The following PTH2R variants were observed in gnomAD, a reference collection of about 807,000 sequenced individuals.
The protein encoded by PTH2R is parathyroid hormone 2 receptor, also known as PTH2 receptor.
Under a neutral mutation model 60.3 loss-of-function variants are expected in PTH2R, and 59 were observed. The observed-to-expected ratio is 0.98, with a 90% CI of 0.79 to 1.22. The LOEUF (loss-of-function observed/expected upper bound fraction) is 1.22, where lower values mean the gene tolerates loss of function less well. Ranked by LOEUF, PTH2R falls within the 50% of genes most tolerant of loss-of-function variation. The pLI is 0.00. For missense variants in PTH2R, 749 were observed against 682.6 expected (o/e 1.10, Z -1.08); for synonymous variants, 256 against 243.8 (o/e 1.05, Z -0.47).
chr2:208,365,960 A>ATAT (rs1700583520), intron 1 of PTH2R, among the ~76,000 whole-genome samples: 2 of 16,112 alleles, frequency 1.2e-4, no homozygotes, highest in African/African-American at 2.4e-4. Context: ...ATATATATAT[A>ATAT]TTTTTTTTTT....
intron 8 of PTH2R, among the ~76,000 whole-genome samples, chr2:208,452,220 G>T (rs1043765339): frequency 3.9e-5 from 6 of 152,126 alleles, no homozygotes; most frequent in African/African-American, 1.2e-4. Flanking sequence ...CTGAGCCTCA[G>T]TTTTCTCAGC....
chr2:208,433,688 C>T lies in PTH2R; in HGVS notation c.179-3849C>T, dbSNP rs112555120. On this transcript the variant is annotated intron_variant, in intron 2 of 12. Transcript: ENST00000272847. Reference sequence around the variant, plus strand: ...AAAAGGATATATAAATGCAAATATTCAGCTCTAAAACTATTCAAGTACTTA... The same window carrying T: ...AAAAGGATATATAAATGCAAATATTTAGCTCTAAAACTATTCAAGTACTTA... Among the ~76,000 whole-genome samples the T allele has an allele frequency of 9.0e-3, 1,369 of 152,260 alleles. 22 individuals carry two copies. Among genetic ancestry groups the T allele is most frequent in the African/African-American group, 0.03 (1,261 of 41,554 alleles).
intron 1 of PTH2R, among the ~76,000 whole-genome samples, chr2:208,375,176 G>C (rs1336744212): frequency 1.3e-5 from 2 of 152,022 alleles, no homozygotes; most frequent in Non-Finnish European, 2.9e-5. Context: ...TTGTTTTCTA[G>C]TATCTATTTT....
intron 7 of PTH2R, among the ~76,000 whole-genome samples, chr2:208,446,910 C>T (rs930897340): frequency 3.9e-5 from 6 of 152,082 alleles, no homozygotes; most frequent in African/African-American, 9.7e-5. Context: ...TAACTGAGAG[C>T]GAGTCCAATT....
At chr2:208,414,281 C>G (rs781163693) in intron 1 of PTH2R, among the ~76,000 whole-genome samples, 35 of 152,244 alleles carry the variant, frequency 2.3e-4, no homozygotes, top group Non-Finnish European at 5.0e-4. Flanking sequence ...TGCTCCTGCT[C>G]TGTCAAAAGC....
chr2:208,389,128 C>A (rs1468309637), intron 1 of PTH2R, among the ~76,000 whole-genome samples: 1 of 151,908 alleles, frequency 6.6e-6, no homozygotes, highest in Non-Finnish European at 1.5e-5. Flanking sequence ...AGTCAAGCTA[C>A]AGGAAAAAAC....
intron 1 of PTH2R, among the ~76,000 whole-genome samples, chr2:208,427,540 A>G (rs535479317): frequency 1.3e-5 from 2 of 152,350 alleles, no homozygotes; most frequent in Admixed American, 1.3e-4. Flanking sequence ...CTATGAATAT[A>G]ATCCAGAAAT....
intron 1 of PTH2R, among the ~76,000 whole-genome samples, chr2:208,422,742 G>C (rs1030754630): frequency 6.6e-6 from 1 of 152,020 alleles, no homozygotes; most frequent in Non-Finnish European, 1.5e-5. Context: ...CATGTGTATC[G>C]TTTACCCAGT....
chr2:208,394,276 A>C (rs1701163825), intron 1 of PTH2R, among the ~76,000 whole-genome samples: 1 of 152,246 alleles, frequency 6.6e-6, no homozygotes, highest in African/African-American at 2.4e-5. Flanking sequence ...TCAAAGTCTC[A>C]GGGCCGAAGG....
intron 6 of PTH2R, among the ~76,000 whole-genome samples, chr2:208,443,923 G>A (rs1235820612): frequency 1.3e-5 from 2 of 152,104 alleles, no homozygotes; most frequent in African/African-American, 4.8e-5. Flanking sequence ...TTGAGTACTC[G>A]AAGACTTGTT....
At chr2:208,377,214 C>T (rs10181047) in intron 1 of PTH2R, among the ~76,000 whole-genome samples, 57,179 of 151,940 alleles carry the variant, frequency 0.38, 11,401 homozygotes, top group East Asian at 0.54. Flanking sequence ...AACAGCATCC[C>T]AAGGCACAGG....
chr2:208,362,752 G>T (rs963020281), intron 1 of PTH2R, among the ~76,000 whole-genome samples: 1 of 152,134 alleles, frequency 6.6e-6, no homozygotes, highest in Non-Finnish European at 1.5e-5. Context: ...ATGCCATACT[G>T]TTTTCCATAA....
intron 1 of PTH2R, among the ~76,000 whole-genome samples, chr2:208,365,445 G>A (rs1482099726): frequency 2.0e-5 from 3 of 152,026 alleles, no homozygotes; most frequent in Admixed American, 6.6e-5. Flanking sequence ...AGATGGTCAT[G>A]TGGGTTTTGT....
chr2:208,444,980 C>T (rs1381907353), intron 7 of PTH2R, 93 bp downstream of exon 7: 11 of 1,299,474 alleles, frequency 8.5e-6, no homozygotes, highest in Non-Finnish European at 8.4e-6. Flanking sequence ...CAGCCATTTT[C>T]CTGAAACAAT....
At chr2:208,454,664 TATG>T in intron 8 of PTH2R, among the ~76,000 whole-genome samples, 1 of 152,248 alleles carries the variant, frequency 6.6e-6, no homozygotes, top group Non-Finnish European at 1.5e-5. Context: ...TTAACACACT[TATG>T]ATAAAGAAAA....
chr2:208,388,600 G>A (rs1373608553), intron 1 of PTH2R, among the ~76,000 whole-genome samples: 1 of 152,092 alleles, frequency 6.6e-6, no homozygotes, highest in East Asian at 1.9e-4. Context: ...TTCTATCTTT[G>A]CATAAAATAT....
At chr2:208,390,440 A>G (rs533250963) in intron 1 of PTH2R, among the ~76,000 whole-genome samples, 1 of 152,344 alleles carries the variant, frequency 6.6e-6, no homozygotes, top group African/African-American at 2.4e-5. Flanking sequence ...GGGTCACTGT[A>G]AGATTCCTCA....
At chr2:208,407,822 G>GT (rs1439168163) in intron 1 of PTH2R, among the ~76,000 whole-genome samples, 3 of 152,160 alleles carry the variant, frequency 2.0e-5, no homozygotes, top group Non-Finnish European at 2.9e-5. Flanking sequence ...GATGCGTGTA[G>GT]TGGTGGATGT....
chr2:208,384,934 A>C (rs916949788), intron 1 of PTH2R, among the ~76,000 whole-genome samples: 1 of 152,230 alleles, frequency 6.6e-6, no homozygotes, highest in African/African-American at 2.4e-5. Context: ...TAAGTCATAC[A>C]CAACAAACTG....
Sources: allele counts gnomAD v4.1 joint callset (sites outside exome capture counted in the v4.1 genomes callset), GRCh38; gene constraint gnomAD v4.1.1; transcripts MANE v1.5; gene names NCBI Gene and HGNC (gene_info 2026-07-23, HGNC 2026-07-21).